Variants in PBX1 observed in about 807,000 individuals in gnomAD.
PBX1 encodes the protein pre-B-cell leukemia transcription factor 1.
A neutral mutation model predicts 53.4 loss-of-function variants in PBX1; 6 were observed. That is an observed-to-expected ratio of 0.11 (90% confidence interval 0.06 to 0.22). PBX1 has a LOEUF of 0.22. Among genes scored for constraint, PBX1 ranks in the 10% least tolerant of loss-of-function variants. PBX1 has a pLI of 1.00. For missense variants in PBX1, 251 were observed against 551.4 expected (o/e 0.46, Z 5.46); for synonymous variants, 204 against 212.3 (o/e 0.96, Z 0.34).
intron 2 of PBX1, among the ~76,000 whole-genome samples, chr1:164,623,782 AACG>A (rs1408601872): frequency 2.6e-5 from 4 of 152,194 alleles, no homozygotes; most frequent in Admixed American, 1.3e-4. Context: ...AGTCGTGCCT[AACG>A]ACGTCGCCTC....
At chr1:164,697,828 A>G (rs1662878158) in intron 2 of PBX1, among the ~76,000 whole-genome samples, 1 of 152,234 alleles carries the variant, frequency 6.6e-6, no homozygotes, top group South Asian at 2.1e-4. Context: ...AAGAAAAGTC[A>G]TAAAAGCAGA....
chr1:164,756,458 A>G (rs774409626), intron 2 of PBX1, among the ~76,000 whole-genome samples: 10 of 152,236 alleles, frequency 6.6e-5, no homozygotes, highest in Non-Finnish European at 1.3e-4. Flanking sequence ...AATGCTGCAC[A>G]CATATGCTTA....
chr1:164,589,907 G>C (rs898565695), intron 2 of PBX1, among the ~76,000 whole-genome samples: 1 of 152,142 alleles, frequency 6.6e-6, no homozygotes, highest in Admixed American at 6.5e-5. Context: ...GGAGCCTCCC[G>C]TAAAAAGGCT....
chr1:164,639,595 T>G (rs999182731), intron 2 of PBX1: 2 of 152,074 alleles, frequency 1.3e-5, no homozygotes, highest in African/African-American at 4.8e-5. Context: ...TATGCTAAAG[T>G]TGCAATGATA....
chr1:164,804,659 C>T (rs992113841), intron 4 of PBX1, among the ~76,000 whole-genome samples: 3 of 149,766 alleles, frequency 2.0e-5, no homozygotes, highest in East Asian at 2.0e-4. Flanking sequence ...CAAATAGCAG[C>T]GCAATTAGAA....
At chr1:164,725,089 G>C (rs545154582) in intron 2 of PBX1, among the ~76,000 whole-genome samples, 2 of 152,146 alleles carry the variant, frequency 1.3e-5, no homozygotes, top group East Asian at 3.9e-4. Context: ...CTCCTAAGCA[G>C]GCAGCTTGAA....
intron 2 of PBX1, chr1:164,641,815 C>T (rs1028419882): frequency 2.0e-5 from 3 of 152,186 alleles, no homozygotes; most frequent in African/African-American, 7.2e-5. Context: ...CTTCCCATGA[C>T]AGATATCACA....
chr1:164,665,313 C>T (rs1011791607), intron 2 of PBX1, among the ~76,000 whole-genome samples: 1 of 152,224 alleles, frequency 6.6e-6, no homozygotes, highest in East Asian at 1.9e-4. Context: ...GAGTCAGAGT[C>T]TCATTCTGTC....
intron 6 of PBX1, chr1:164,818,544 G>C (rs1669984730): frequency 6.6e-6 from 1 of 152,092 alleles, no homozygotes; most frequent in Admixed American, 6.6e-5. Context: ...AATGAGAAGG[G>C]AGTTAGGTGG....
chr1:164,837,643 A>G (rs1558037635), intron 8 of PBX1, among the ~76,000 whole-genome samples: 1 of 152,230 alleles, frequency 6.6e-6, no homozygotes, highest in East Asian at 1.9e-4. Context: ...TCTCTGCACT[A>G]AGGCACCTTT....
At chr1:164,695,675 GTTC>G (rs1187597209) in intron 2 of PBX1, among the ~76,000 whole-genome samples, 1 of 152,166 alleles carries the variant, frequency 6.6e-6, no homozygotes. Flanking sequence ...GCCTTTTCAT[GTTC>G]TTCTCCCAAT....
At chr1:164,675,616 C>T (rs1331668075) in intron 2 of PBX1, among the ~76,000 whole-genome samples, 1 of 152,058 alleles carries the variant, frequency 6.6e-6, no homozygotes, top group African/African-American at 2.4e-5. Context: ...CTTACCTGCC[C>T]ACCATTATGA....
intron 2 of PBX1, among the ~76,000 whole-genome samples, chr1:164,870,353 CTT>C (rs746682094): frequency 6.6e-5 from 6 of 90,768 alleles, no homozygotes; most frequent in South Asian, 3.9e-4. Context: ...TTCTTTCTTT[CTT>C]TCTTTCGAGA....
rs142630209 is a variant in PBX1, at chr1:164,793,863, T to TTTTTTCC, written c.510+1128_510+1129insTTCCTTT. The stretch of plus-strand genomic sequence containing the variant: ...TTTCCTTACCTTTCTTTTCTTTTTT[T>TTTTTTCC]TTTCCTTTCTTTTTTTTTTTTTTTT... On this transcript the variant is annotated intron_variant, in intron 3 of 8. Coordinates refer to ENST00000420696, the MANE Select transcript of PBX1 (RefSeq NM_002585.4). 4.8e-3 allele frequency among the ~76,000 whole-genome samples: 628 copies of TTTTTTCC among 129,752 alleles called. 13 individuals are homozygous for TTTTTTCC. The highest frequency in any genetic ancestry group is 0.017 in the African/African-American group (538 of 32,482). 85.1% of individuals were successfully genotyped at this position (129,752 alleles called of 152,430 possible).
chr1:164,582,424 CTTT>C (rs939145375), intron 2 of PBX1, among the ~76,000 whole-genome samples: 3 of 141,196 alleles, frequency 2.1e-5, no homozygotes, highest in Admixed American at 1.4e-4. Context: ...TTCATAATTT[CTTT>C]TTTTTTTTTT....
At chr1:164,774,315 G>C (rs927471271) in intron 2 of PBX1, 1 of 152,068 alleles carries the variant, frequency 6.6e-6, no homozygotes. Flanking sequence ...ATTAAATGCT[G>C]GACTCTCAAG....
intron 2 of PBX1, among the ~76,000 whole-genome samples, chr1:164,859,799 C>G (rs1672057157): frequency 6.6e-6 from 1 of 152,174 alleles, no homozygotes; most frequent in African/African-American, 2.4e-5. Flanking sequence ...ACTGGAAATA[C>G]TGGCTCAATA....
intron 2 of PBX1, among the ~76,000 whole-genome samples, chr1:164,622,515 G>A (rs1008741984): frequency 6.6e-6 from 1 of 152,120 alleles, no homozygotes; most frequent in African/African-American, 2.4e-5. Flanking sequence ...TAGCTCACTC[G>A]GACTGAGTGC....
intron 2 of PBX1, among the ~76,000 whole-genome samples, chr1:164,785,149 T>G (rs542205471): frequency 1.3e-5 from 2 of 152,326 alleles, no homozygotes; most frequent in South Asian, 2.1e-4. Context: ...AGGTGTCAAC[T>G]CGGGTGGTAA....
Sources: allele counts gnomAD v4.1 joint callset (sites outside exome capture counted in the v4.1 genomes callset), GRCh38; gene constraint gnomAD v4.1.1; transcripts MANE v1.5; gene names NCBI Gene and HGNC (gene_info 2026-07-23, HGNC 2026-07-21).